Variants in TNR observed in about 807,000 individuals in gnomAD.
TNR encodes the protein tenascin-R.
TNR carries 45 observed loss-of-function variants against 150.4 expected under a neutral mutation model. That is an observed-to-expected ratio of 0.30 (90% CI 0.24 to 0.38). TNR has a LOEUF of 0.38. Ranked by LOEUF, TNR falls within the 10% of genes least tolerant of loss-of-function variation. TNR has a pLI of 1.00. For missense variants in TNR, 1,544 were observed against 1,759.1 expected (o/e 0.88, Z 2.19); for synonymous variants, 687 against 678.4 (o/e 1.01, Z -0.20).
In TNR at chr1:175,365,278, G is replaced by A. The variant is rs375460488; in HGVS notation, c.2319C>T (p.Gly773=). The A allele has an allele frequency of 6.3e-7, 1 of 1,598,926 alleles. No individual in the cohort carries two copies. Among genetic ancestry groups the A allele is most frequent in the Non-Finnish European group, 8.5e-7 (1 of 1,170,434 alleles). Residue 773 remains glycine (G), a splice_region_variant and synonymous_variant, in exon 12 of 23, where the codon GGC becomes GGT. Coordinates refer to ENST00000367674, the MANE Select transcript of TNR (RefSeq NM_003285.3). ...SLESTVDAFT[G]FRPISHLHFS... ...AGTGCAGATGAGAGATGGGACGGAA[G>A]CCTGCAAAGCAAAGGAGATGGATGG...
chr1:175,354,740 T>C (rs1158173541), intron 17 of TNR, among the ~76,000 whole-genome samples: 4 of 152,266 alleles, frequency 2.6e-5, no homozygotes, highest in African/African-American at 7.2e-5. Context: ...GGAATGCACA[T>C]TGGGATAAAT....
At chr1:175,398,422 T>C (rs1044519275) in intron 4 of TNR, among the ~76,000 whole-genome samples, 1 of 152,258 alleles carries the variant, frequency 6.6e-6, no homozygotes, top group Non-Finnish European at 1.5e-5. Context: ...TGATGTTTTA[T>C]AAACTGTATC....
chr1:175,403,788 C>A (rs1271741568), intron 3 of TNR, among the ~76,000 whole-genome samples, 172 bp from the exon 4 acceptor site: 37 of 152,206 alleles, frequency 2.4e-4, no homozygotes, highest in Admixed American at 2.4e-3. Flanking sequence ...TTTCACCTAG[C>A]ATGGGCTGTC....
chr1:175,678,275 G>A (rs1371089675), intron 1 of TNR, among the ~76,000 whole-genome samples: 1 of 152,176 alleles, frequency 6.6e-6, no homozygotes, highest in East Asian at 1.9e-4. Context: ...CCCAGACATA[G>A]GTCTGCCTAG....
intron 2 of TNR, among the ~76,000 whole-genome samples, chr1:175,510,272 C>T (rs1659115241): frequency 6.6e-6 from 1 of 152,036 alleles, no homozygotes; most frequent in Non-Finnish European, 1.5e-5. Flanking sequence ...GGGTTTTCCT[C>T]TTCTAAGTCC....
At chr1:175,538,496 G>C (rs1168596976) in intron 1 of TNR, among the ~76,000 whole-genome samples, 1 of 152,198 alleles carries the variant, frequency 6.6e-6, no homozygotes, top group Admixed American at 6.5e-5. Flanking sequence ...GGCAGCAACT[G>C]GGTCTTCAAA....
rs1663167796 is a variant in TNR at position 175,599,895 on chromosome 1, T to G, written c.-164-71526A>C. Reference sequence around the variant, plus strand: ...TGGAGGCAACCCCTCGGCGTGGGGATGCTGAGGCAGGCAAGAGACTGGGGC... The same window carrying G: ...TGGAGGCAACCCCTCGGCGTGGGGAGGCTGAGGCAGGCAAGAGACTGGGGC... On this transcript the variant is annotated intron_variant, in intron 1 of 22. Coordinates refer to ENST00000367674, the MANE Select transcript of TNR (RefSeq NM_003285.3). This position sits in a 1 kb window ranked among gnomAD's most constrained non-coding sequence, Gnocchi z 4.7. Among the ~76,000 whole-genome samples the G allele has an allele frequency of 6.6e-6, 1 of 152,134 alleles. No individual in the cohort carries two copies. Among genetic ancestry groups the G allele is most frequent in the South Asian group, 2.1e-4 (1 of 4,822 alleles).
At chr1:175,372,000 T>C (rs892612341) in intron 9 of TNR, among the ~76,000 whole-genome samples, 1 of 152,116 alleles carries the variant, frequency 6.6e-6, no homozygotes, top group African/African-American at 2.4e-5. Flanking sequence ...GTTTGGGTCA[T>C]GGGGGTGGAT....
chr1:175,534,687 G>T (rs867739331), intron 1 of TNR, among the ~76,000 whole-genome samples: 13 of 152,180 alleles, frequency 8.5e-5, no homozygotes, highest in African/African-American at 3.1e-4. Context: ...GTACTAGAGG[G>T]GCTGCAGGAT....
intron 9 of TNR, among the ~76,000 whole-genome samples, chr1:175,371,089 T>C (rs1652084545): frequency 6.7e-6 from 1 of 149,088 alleles, no homozygotes; most frequent in South Asian, 2.1e-4. Context: ...AAACCACATG[T>C]ATCCGAGGCA....
At chr1:175,331,057 CT>C (rs1185588750) in intron 20 of TNR, among the ~76,000 whole-genome samples, 1 of 119,822 alleles carries the variant, frequency 8.3e-6, no homozygotes, top group Non-Finnish European at 1.8e-5. Context: ...TTCTTTCTTT[CT>C]TTCTTTCTTT....
At chr1:175,681,278 C>A (rs1666026036) in intron 1 of TNR, among the ~76,000 whole-genome samples, 1 of 152,102 alleles carries the variant, frequency 6.6e-6, no homozygotes, top group Admixed American at 6.5e-5. Flanking sequence ...AGCCCGAGCC[C>A]AGAAAGAGAA....
intron 1 of TNR, among the ~76,000 whole-genome samples, chr1:175,682,565 G>T (rs145393357): frequency 6.6e-6 from 1 of 152,134 alleles, no homozygotes; most frequent in South Asian, 2.1e-4. Flanking sequence ...CTTGTGGGAT[G>T]GAATGCTGGG....
chr1:175,441,435 T>C (rs1000368669), intron 2 of TNR, among the ~76,000 whole-genome samples: 1 of 152,226 alleles, frequency 6.6e-6, no homozygotes, highest in African/African-American at 2.4e-5. Flanking sequence ...ATGTATGTTA[T>C]AAATATGCTT....
intron 2 of TNR, among the ~76,000 whole-genome samples, chr1:175,433,552 C>T (rs943548505): frequency 6.6e-6 from 1 of 152,138 alleles, no homozygotes; most frequent in Non-Finnish European, 1.5e-5. Flanking sequence ...ACAGAAGTGT[C>T]ATATGGAGAA....
At chr1:175,627,447 A>G (rs1326609931) in intron 1 of TNR, among the ~76,000 whole-genome samples, 1 of 152,248 alleles carries the variant, frequency 6.6e-6, no homozygotes, top group African/African-American at 2.4e-5. Context: ...AAATTTCCAT[A>G]TACTTGAAAA....
chr1:175,623,823 C>T (rs780354860), intron 1 of TNR, among the ~76,000 whole-genome samples: 133 of 152,250 alleles, frequency 8.7e-4, no homozygotes, highest in Non-Finnish European at 1.5e-3. Flanking sequence ...CCCCATACTA[C>T]AGAGGAGCCT....
At chr1:175,494,355 C>T (rs900532035) in intron 2 of TNR, among the ~76,000 whole-genome samples, 1 of 152,228 alleles carries the variant, frequency 6.6e-6, no homozygotes, top group African/African-American at 2.4e-5. Context: ...TCATAGTCCC[C>T]GGCACCAGCT....
intron 1 of TNR, among the ~76,000 whole-genome samples, chr1:175,685,405 A>T (rs1209311533): frequency 6.6e-6 from 1 of 152,194 alleles, no homozygotes; most frequent in Non-Finnish European, 1.5e-5. Flanking sequence ...CTGTCAGGCC[A>T]CATTAAAGGC....
Sources: allele counts gnomAD v4.1 joint callset (sites outside exome capture counted in the v4.1 genomes callset), GRCh38; gene constraint gnomAD v4.1.1; non-coding constraint Gnocchi (gnomAD v3.1); transcripts MANE v1.5; gene names NCBI Gene and HGNC (gene_info 2026-07-23, HGNC 2026-07-21).